Variants in LRRC37B observed in about 807,000 individuals in gnomAD.
LRRC37B encodes the protein leucine rich repeat containing 37B.
Under a neutral mutation model 98.3 loss-of-function variants are expected in LRRC37B, and 28 were observed. That is an observed-to-expected ratio of 0.28 (90% CI 0.21 to 0.39). The LOEUF (loss-of-function observed/expected upper bound fraction) is 0.39, where lower values mean the gene tolerates loss of function less well. LRRC37B is among the 10% of genes least tolerant of loss of function. The pLI, the probability that LRRC37B is intolerant of heterozygous loss-of-function variation, is 1.00. For missense variants in LRRC37B, 938 were observed against 1,182.7 expected (o/e 0.79, Z 3.03); for synonymous variants, 364 against 442.7 (o/e 0.82, Z 2.23).
At chr17:32,036,591 C>T (rs1187782133) in intron 7 of LRRC37B, among the ~76,000 whole-genome samples, 1 of 152,150 alleles carries the variant, frequency 6.6e-6, no homozygotes, top group African/African-American at 2.4e-5. Flanking sequence ...ATTTCAGCAT[C>T]TGTGGACTTT....
intron 5 of LRRC37B, among the ~76,000 whole-genome samples, chr17:32,032,459 TATGATTTCTCTGTATA>T (rs1364202995): frequency 2.0e-5 from 3 of 152,208 alleles, no homozygotes; most frequent in Admixed American, 2.0e-4. Flanking sequence ...GCAAAAATTC[TATGATTTCTCTGTATA>T]ACATACCCAG....
At chr17:32,047,590 C>T (rs1911623603) in intron 8 of LRRC37B, 171 bp from the exon 12 acceptor site, 3 of 899,824 alleles carry the variant, frequency 3.3e-6, no homozygotes, top group East Asian at 2.6e-5. Flanking sequence ...TTCCTCCTTT[C>T]GTTGTTGCCA....
intron 4 of LRRC37B, among the ~76,000 whole-genome samples, chr17:32,030,941 G>A (rs1911091697): frequency 6.6e-6 from 1 of 152,172 alleles, no homozygotes; most frequent in African/African-American, 2.4e-5. Flanking sequence ...CTCAACTGGT[G>A]TGATTTTGTA....
At chr17:32,038,655 G>A (rs1187586993) in intron 7 of LRRC37B, among the ~76,000 whole-genome samples, 1 of 152,036 alleles carries the variant, frequency 6.6e-6, no homozygotes, top group Non-Finnish European at 1.5e-5. Flanking sequence ...TCAGGAGTTC[G>A]AGACCATCCT....
At position 32,030,070 on chromosome 17, in the gene LRRC37B, TG is replaced by T. The variant is rs376916324; in HGVS notation, c.1905-585del. Reference sequence around the variant, plus strand: ...AAGAGGGAGGGAAAAGCCCCATCTCTGTATAACTGAAGAAACTGCTTTCATG... The same window carrying T: ...AAGAGGGAGGGAAAAGCCCCATCTCTTATAACTGAAGAAACTGCTTTCATG... On this transcript the variant is annotated intron_variant, in intron 3 of 11. Coordinates refer to ENST00000327564, the Ensembl canonical transcript of LRRC37B. Among the ~76,000 whole-genome samples, 45 of 152,284 alleles carry T rather than the reference TG, an allele frequency of 3.0e-4. No homozygotes were observed. In the East Asian group the frequency reaches 8.1e-3, roughly 27 times the overall value.
chr17:32,007,914 C>A, upstream of LRRC37B: 1 of 695,454 alleles, frequency 1.4e-6, no homozygotes, highest in Non-Finnish European at 1.9e-6. This position sits in a 1 kb window ranked among gnomAD's most constrained non-coding sequence, Gnocchi z 4.1. Context: ...ACCACCGCAG[C>A]CCGGAGGGCT....
upstream of LRRC37B, among the ~76,000 whole-genome samples, chr17:32,018,603 G>A (rs867167687): frequency 1.3e-5 from 2 of 152,154 alleles, no homozygotes; most frequent in Admixed American, 6.5e-5. Flanking sequence ...GGCCCCAGGA[G>A]TAAGGGATGC....
At chr17:32,014,830 C>T (rs1268013911) in intron 1 of LRRC37B, among the ~76,000 whole-genome samples, 1 of 152,188 alleles carries the variant, frequency 6.6e-6, no homozygotes, top group Non-Finnish European at 1.5e-5. Context: ...AGCACAATGT[C>T]TGGCAAATAG....
intron 11 of LRRC37B, chr17:32,050,357 TATAATA>T: frequency 3.2e-6 from 1 of 313,882 alleles, no homozygotes; most frequent in South Asian, 3.9e-5. Flanking sequence ...GTTAAGTTGA[TATAATA>T]GCAAAATTTC....
At chr17:32,048,269 A>C (rs1911646207) in intron 9 of LRRC37B, among the ~76,000 whole-genome samples, 1 of 151,098 alleles carries the variant, frequency 6.6e-6, no homozygotes, top group South Asian at 2.1e-4. Flanking sequence ...AAAGGTGGGA[A>C]AGCACAGCAC....
intron 4 of LRRC37B, 64 bp from the exon 8 acceptor site, chr17:32,031,314 C>G: frequency 2.5e-6 from 4 of 1,573,462 alleles, no homozygotes; most frequent in Non-Finnish European, 3.4e-6. Context: ...AAATTAGACT[C>G]ACAGCAAATG....
At chr17:32,020,928 GAGGGGTGTTCCGGCCTGGCGGGGTGGGA>G, upstream of LRRC37B, 2 of 1,437,710 alleles carry the variant, frequency 1.4e-6, no homozygotes, top group Non-Finnish European at 1.8e-6. Context: ...AAGGGGAGGG[GAGGGGTGTTCCGGCCTGGCGGGGTGGGA>G]AGGGGCGCTT....
At chr17:32,037,497 C>G (rs763471225) in intron 7 of LRRC37B, among the ~76,000 whole-genome samples, 12 of 152,042 alleles carry the variant, frequency 7.9e-5, no homozygotes, top group Admixed American at 1.3e-4. Context: ...AACTCCTGGC[C>G]TCATTTGATT....
chr17:32,033,215 A>G (rs570350364), intron 5 of LRRC37B, among the ~76,000 whole-genome samples: 15 of 151,872 alleles, frequency 9.9e-5, no homozygotes, highest in African/African-American at 2.7e-4. Flanking sequence ...CTGACCTCAG[A>G]TGATCCACCC....
At chr17:32,045,333 G>T (rs1201581251) in intron 7 of LRRC37B, among the ~76,000 whole-genome samples, 1 of 152,026 alleles carries the variant, frequency 6.6e-6, no homozygotes, top group African/African-American at 2.4e-5. Flanking sequence ...TTGAGAAAGG[G>T]CCTTCAGAAG....
intron 1 of LRRC37B, among the ~76,000 whole-genome samples, chr17:32,015,121 CTG>C (rs565453902): frequency 1.0e-3 from 154 of 152,148 alleles, no homozygotes; most frequent in African/African-American, 3.5e-3. Flanking sequence ...CAGAGCGACT[CTG>C]TCTCAAAAAA....
intron 7 of LRRC37B, chr17:32,041,832 A>G (rs1185070692): frequency 2.2e-6 from 1 of 459,096 alleles, no homozygotes; most frequent in South Asian, 1.5e-5. Context: ...ACGGGGCAAC[A>G]CTAAGGTGCT....
exon 1 of LRRC37B, chr17:32,021,702 G>A: frequency 6.2e-7 from 1 of 1,614,162 alleles, no homozygotes; most frequent in Non-Finnish European, 8.5e-7. Flanking sequence ...AACCAAATTT[G>A]TTGTTTCGCC....
chr17:32,034,927 C>T (rs1276458221), exon 6 of LRRC37B: 7 of 1,611,718 alleles, frequency 4.3e-6, no homozygotes, highest in East Asian at 4.5e-5. Context: ...AATCGCAATC[C>T]TCTGACTACT....
Sources: gnomAD v4.1 joint callset for allele counts (sites outside exome capture counted in the v4.1 genomes callset) on GRCh38, gnomAD v4.1.1 for gene constraint, Gnocchi (gnomAD v3.1) non-coding constraint, MANE v1.5 for transcripts, NCBI Gene and HGNC (gene_info 2026-07-23, HGNC 2026-07-21) for gene names.